Variants in HYAL4 observed in about 807,000 individuals in gnomAD.
The protein encoded by HYAL4 is hyaluronidase-4.
A neutral mutation model predicts 35.2 loss-of-function variants in HYAL4; 37 were observed. The ratio of observed to expected loss-of-function variants is 1.05; its 90% CI spans 0.81 to 1.38. The LOEUF is 1.38. HYAL4 is among the 40% of genes most tolerant of loss of function. HYAL4 has a pLI of 0.00. For missense variants in HYAL4, 572 were observed against 572.4 expected, an observed-to-expected ratio of 1.00 and a Z score of 0.01; for synonymous variants, 198 against 203.2, an observed-to-expected ratio of 0.97 and a Z score of 0.22.
Position 123,868,757 on chromosome 7 carries a change from GT to G in HYAL4, c.487del (p.Tyr163ThrfsTer24), listed in dbSNP as rs775819944. The G allele has an allele frequency of 1.2e-6, 2 of 1,614,132 alleles. No individual in the cohort carries two copies. Among genetic ancestry groups the G allele is most frequent in the Non-Finnish European group, 1.7e-6 (2 of 1,180,028 alleles). ...QWARNWNSKDVYRQKSRKLIS... is the reference protein window; with the variant it reads ...QWARNWNSKDXYRQKSRKLIS... ...GGCCCGGAACTGGAACTCAAAAGAT[GT>G]TTACAGACAGAAGTCAAGAAAGCTT... On this transcript the variant is annotated frameshift_variant, in exon 3 of 5. Coordinates refer to ENST00000223026, the MANE Select transcript of HYAL4 (RefSeq NM_012269.3). LOFTEE classifies it high-confidence loss of function.
intron 2 of HYAL4, among the ~76,000 whole-genome samples, chr7:123,852,706 T>A (rs562786457): frequency 5.9e-5 from 9 of 152,268 alleles, no homozygotes; most frequent in African/African-American, 2.2e-4. Context: ...CTTAGGATTG[T>A]CTTGGCTATA....
intron 2 of HYAL4, among the ~76,000 whole-genome samples, chr7:123,857,389 T>C (rs1175435680): frequency 6.6e-6 from 1 of 152,118 alleles, no homozygotes; most frequent in African/African-American, 2.4e-5. Context: ...TGGATAGCAC[T>C]GTCTCTCACC....
At chr7:123,858,184 A>AAAAC (rs766359194) in intron 2 of HYAL4, among the ~76,000 whole-genome samples, 1 of 152,164 alleles carries the variant, frequency 6.6e-6, no homozygotes, top group Non-Finnish European at 1.5e-5. Flanking sequence ...CTCTATCTCA[A>AAAAC]AAACAAACAA....
the HYAL4 span, among the ~76,000 whole-genome samples, chr7:123,778,159 GTCTATCTATCTATCTA>G: frequency 5.8e-5 from 7 of 120,824 alleles, no homozygotes; most frequent in Non-Finnish European, 9.8e-5. Context: ...CTGTCTGTCT[GTCTATCTATCTATCTA>G]TCTATCTATC....
chr7:123,818,420 T>C, the HYAL4 span, among the ~76,000 whole-genome samples: 1 of 152,268 alleles, frequency 6.6e-6, no homozygotes, highest in Admixed American at 6.5e-5. Flanking sequence ...AAGAGTCTAC[T>C]GATTCTCATT....
the HYAL4 span, among the ~76,000 whole-genome samples, chr7:123,806,771 G>A: frequency 1.4e-4 from 22 of 152,052 alleles, no homozygotes; most frequent in African/African-American, 5.1e-4. Context: ...CATTTCTCTC[G>A]TACTCCTTCT....
intron 3 of HYAL4, 21 bp from the exon 4 acceptor site, chr7:123,874,740 A>G (rs1161531828): frequency 7.0e-7 from 1 of 1,427,864 alleles, no homozygotes; most frequent in Non-Finnish European, 9.9e-7. Context: ...TTAATAATGA[A>G]CTCTACTGTC....
the HYAL4 span, among the ~76,000 whole-genome samples, chr7:123,820,858 G>A: frequency 7.2e-5 from 11 of 152,118 alleles, no homozygotes; most frequent in South Asian, 1.5e-3. Context: ...TTGCTTCTAC[G>A]AGTTTGGCTA....
the HYAL4 span, among the ~76,000 whole-genome samples, chr7:123,799,478 A>G: frequency 6.6e-6 from 1 of 150,864 alleles, no homozygotes; most frequent in Non-Finnish European, 1.5e-5. Flanking sequence ...TATAATTTCA[A>G]AATAAAATTT....
At chr7:123,837,072 C>A (rs1805976572) in intron 1 of HYAL4, among the ~76,000 whole-genome samples, 1 of 152,026 alleles carries the variant, frequency 6.6e-6, no homozygotes, top group African/African-American at 2.4e-5. Context: ...ATTTGGGCTC[C>A]TTTTAACAGT....
intron 1 of HYAL4, among the ~76,000 whole-genome samples, chr7:123,834,335 T>C (rs1805929249): frequency 6.6e-6 from 1 of 152,160 alleles, no homozygotes; most frequent in Admixed American, 6.5e-5. Context: ...TATTTTAGTT[T>C]TTTTTGCGGT....
chr7:123,807,656 G>A, the HYAL4 span, among the ~76,000 whole-genome samples: 1 of 151,452 alleles, frequency 6.6e-6, no homozygotes, highest in Non-Finnish European at 1.5e-5. Context: ...GGTTAGGCTG[G>A]TCTCGAACTC....
chr7:123,876,291 T>C (rs1408681921), intron 4 of HYAL4, among the ~76,000 whole-genome samples: 1 of 152,232 alleles, frequency 6.6e-6, no homozygotes. Flanking sequence ...TGATGGACTA[T>C]GATTCAGGCT....
the HYAL4 span, among the ~76,000 whole-genome samples, chr7:123,783,829 A>G: frequency 6.6e-6 from 1 of 152,224 alleles, no homozygotes; most frequent in African/African-American, 2.4e-5. Context: ...AATATTGGAC[A>G]GCCAACTCTT....
At chr7:123,832,022 G>A (rs1805890899) in intron 1 of HYAL4, among the ~76,000 whole-genome samples, 1 of 151,720 alleles carries the variant, frequency 6.6e-6, no homozygotes, top group Non-Finnish European at 1.5e-5. Flanking sequence ...TTTATATTTG[G>A]TTCAACATAT....
the HYAL4 span, among the ~76,000 whole-genome samples, chr7:123,821,957 A>G: frequency 6.6e-6 from 1 of 152,112 alleles, no homozygotes; most frequent in Non-Finnish European, 1.5e-5. Flanking sequence ...TTGATCATAT[A>G]TGTGTAGGTT....
intron 2 of HYAL4, among the ~76,000 whole-genome samples, chr7:123,859,713 T>C (rs1174210072): frequency 6.6e-6 from 1 of 152,236 alleles, no homozygotes; most frequent in Non-Finnish European, 1.5e-5. Flanking sequence ...TGATTCCTTA[T>C]ACTGTAGTCA....
chr7:123,853,227 T>C (rs1349889373), intron 2 of HYAL4, among the ~76,000 whole-genome samples: 3 of 152,180 alleles, frequency 2.0e-5, no homozygotes, highest in African/African-American at 4.8e-5. Flanking sequence ...TCTTTATTTC[T>C]TTCTCTTGCC....
chr7:123,810,598 C>T, the HYAL4 span, among the ~76,000 whole-genome samples: 30 of 152,302 alleles, frequency 2.0e-4, no homozygotes, highest in African/African-American at 7.2e-4. Flanking sequence ...ACATCACAAC[C>T]TTCCCTGCTA....
Sources: gnomAD v4.1 joint callset for allele counts (sites outside exome capture counted in the v4.1 genomes callset) on GRCh38, gnomAD v4.1.1 for gene constraint, MANE v1.5 for transcripts, NCBI Gene and HGNC (gene_info 2026-07-23, HGNC 2026-07-21) for gene names.